Variants in ELP1 observed in about 807,000 individuals in gnomAD.
ELP1 encodes elongator acetyltransferase complex subunit 1, also known as elongator complex protein 1.
In ELP1, 131 loss-of-function variants were observed where a neutral mutation model predicts 183.2. That is an observed-to-expected ratio of 0.72 (90% CI 0.62 to 0.83). The LOEUF is 0.83. Ranked by LOEUF, ELP1 falls within the 40% of genes least tolerant of loss-of-function variation. ELP1 has a pLI of 0.00. For synonymous variants in ELP1, 555 were observed against 569.0 expected, an observed-to-expected ratio of 0.98 and a Z score of 0.35; for missense variants, 1,550 against 1,594.9, an observed-to-expected ratio of 0.97 and a Z score of 0.48.
chr9:108,914,422 G>GGC (rs1440678308), intron 10 of ELP1, among the ~76,000 whole-genome samples: 6,090 of 137,028 alleles, frequency 0.044, 198 homozygotes, highest in South Asian at 0.11. Flanking sequence ...AAGGGGGGGG[G>GGC]GGTTCTACTG....
chr9:108,902,925 T>C lies in ELP1; in HGVS notation c.1768A>G (p.Ile590Val), dbSNP rs369856286. 9.3e-6 allele frequency: 15 copies of C among 1,613,802 alleles called. No individual in the cohort carries two copies. Among genetic ancestry groups the C allele is most frequent in the Admixed American group, 3.3e-5 (2 of 60,004 alleles). Residue 590 changes from isoleucine to valine, a missense_variant, in exon 16 of 37, where the codon ATT becomes GTT. By Grantham distance (29) the Ile-to-Val change is conservative. Transcript: ENST00000374647. ...CCACCAGAGTTCTTCCATGGTTTAA[T>C]AGCCAGAGAAGGTGACTCTGCAAGA... ...KYLWESPSLA[I>V]KPWKNSGGFP... is the part of the protein sequence containing the mutation.
intron 36 of ELP1, among the ~76,000 whole-genome samples, chr9:108,869,945 C>G (rs1201079372): frequency 6.6e-6 from 1 of 152,064 alleles, no homozygotes; most frequent in Non-Finnish European, 1.5e-5. Flanking sequence ...GGGTGCGGAC[C>G]CCCCTGCACA....
chr9:108,901,437 C>T lies in ELP1; in HGVS notation c.2002G>A (p.Ala668Thr), dbSNP rs369164780. 1 of 1,610,522 alleles carries T rather than the reference C, an allele frequency of 6.2e-7. No individual in the cohort carries two copies. Among genetic ancestry groups the T allele is most frequent in the African/African-American group, 1.3e-5 (1 of 74,808 alleles). ...HTCQCFCLRD[A>T]SFKTLQAGLS... ...ATTGAAAACTTACTTTTAAATGAAG[C>T]ATCCCTCAGGCAAAAACACTGGCAG... Residue 668 changes from alanine to threonine, a missense_variant, in exon 18 of 37, where the codon GCT (alanine) becomes ACT (threonine). Ala to Thr is a moderately conservative substitution (Grantham distance 58). Transcript: ENST00000374647.
At chr9:108,883,660 G>A (rs1253936866) in intron 29 of ELP1, among the ~76,000 whole-genome samples, 1 of 151,930 alleles carries the variant, frequency 6.6e-6, no homozygotes, top group Non-Finnish European at 1.5e-5. Flanking sequence ...ATTATGGAGT[G>A]AATACTCTTG....
At chr9:108,872,175 T>G (rs1222521315) in intron 36 of ELP1, among the ~76,000 whole-genome samples, 1 of 152,242 alleles carries the variant, frequency 6.6e-6, no homozygotes. Context: ...CGCTGCCATA[T>G]GCAATTAATG....
intron 18 of ELP1, among the ~76,000 whole-genome samples, 172 bp from the exon 19 acceptor site, chr9:108,900,547 C>A (rs910171622): frequency 1.3e-5 from 2 of 152,212 alleles, no homozygotes; most frequent in African/African-American, 4.8e-5. Context: ...ACACGCTCAT[C>A]CCTGGAACTT....
chr9:108,903,805 A>T, intron 14 of ELP1, 136 bp from the exon 15 acceptor site: 1 of 699,492 alleles, frequency 1.4e-6, no homozygotes, highest in South Asian at 1.5e-5. Context: ...CAAAATACAT[A>T]TATACACACC....
rs565334457 is a variant in ELP1, at chr9:108,885,361, A to G, written c.3223-3174T>C. The stretch of plus-strand genomic sequence containing the variant: ...CACCATAGACCCTACGGACAGTAAA[A>G]TAAGAGAATACTATAAACACTTCAT... On this transcript the variant is annotated intron_variant, in intron 29 of 36. Coordinates refer to ENST00000374647, the MANE Select transcript of ELP1 (RefSeq NM_003640.5). Among the ~76,000 whole-genome samples the G allele has an allele frequency of 2.0e-5, 3 of 152,316 alleles. No individual in the cohort carries two copies. In the South Asian group the frequency reaches 6.2e-4, roughly 32 times the overall value.
At chr9:108,931,240 CAT>C in intron 1 of ELP1, 39 bp from the exon 2 acceptor site, 7 of 1,198,352 alleles carry the variant, frequency 5.8e-6, no homozygotes, top group Non-Finnish European at 8.7e-6. Context: ...GATAAATGAC[CAT>C]ATTTATTTAA....
At chr9:108,893,814 A>G (rs1340355162) in intron 26 of ELP1, 129 bp downstream of exon 26, 6 of 998,598 alleles carry the variant, frequency 6.0e-6, no homozygotes, top group East Asian at 2.5e-5. Context: ...GTGAGCATAC[A>G]TAATTGTTAG....
At chr9:108,927,718 G>T (rs753463953) in intron 3 of ELP1, among the ~76,000 whole-genome samples, 13 of 152,140 alleles carry the variant, frequency 8.5e-5, no homozygotes, top group Non-Finnish European at 1.3e-4. Flanking sequence ...AAAAGAATAA[G>T]ATCCTGTCAT....
chr9:108,892,527 C>G (rs936246563), intron 27 of ELP1, among the ~76,000 whole-genome samples: 1 of 152,148 alleles, frequency 6.6e-6, no homozygotes, highest in Non-Finnish European at 1.5e-5. Context: ...AGCTCTGGAT[C>G]CTCAGGCAAG....
chr9:108,878,981 T>C (rs985457068), intron 33 of ELP1, among the ~76,000 whole-genome samples: 2 of 152,236 alleles, frequency 1.3e-5, no homozygotes, highest in African/African-American at 4.8e-5. Context: ...TATAAGTTTT[T>C]GGTAACATCT....
chr9:108,911,192 A>G lies in ELP1; in HGVS notation c.1190-12T>C. The G allele has an allele frequency of 6.2e-7, 1 of 1,613,796 alleles. No homozygotes were observed. The highest frequency in any genetic ancestry group is 1.3e-5 in the African/African-American group (1 of 75,052). ...CACCAACACCCTGTCTGCAGTGAAA[A>G]AGAAAGAAGAGGATTAGACCTAGGG... On this transcript the variant is annotated splice_polypyrimidine_tract_variant and intron_variant, in intron 11 of 36. Coordinates refer to ENST00000374647, the MANE Select transcript of ELP1 (RefSeq NM_003640.5).
intron 18 of ELP1, 113 bp from the exon 19 acceptor site, chr9:108,900,488 G>A: frequency 2.5e-6 from 2 of 793,358 alleles, no homozygotes; most frequent in Non-Finnish European, 4.4e-6. Flanking sequence ...TAACAACCAT[G>A]TGCCTTAGCT....
chr9:108,933,666 C>T (rs990694766), intron 1 of ELP1, among the ~76,000 whole-genome samples, 198 bp downstream of exon 1: 1 of 152,244 alleles, frequency 6.6e-6, no homozygotes, highest in African/African-American at 2.4e-5. Context: ...CATCCCTGGG[C>T]TGTCGCGCCT....
intron 9 of ELP1, among the ~76,000 whole-genome samples, chr9:108,917,169 T>A (rs191155585): frequency 6.6e-6 from 1 of 152,306 alleles, no homozygotes; most frequent in African/African-American, 2.4e-5. Flanking sequence ...CCATATCAAA[T>A]ATAAATCCCC....
At chr9:108,897,597 A>G (rs1370521469) in intron 22 of ELP1, among the ~76,000 whole-genome samples, 3 of 152,240 alleles carry the variant, frequency 2.0e-5, no homozygotes, top group Admixed American at 2.0e-4. Context: ...TGAACTAGTG[A>G]TACATATAAA....
At chr9:108,930,816 G>T (rs1300565052) in intron 2 of ELP1, among the ~76,000 whole-genome samples, 181 bp downstream of exon 2, 1 of 152,080 alleles carries the variant, frequency 6.6e-6, no homozygotes, top group Non-Finnish European at 1.5e-5. Context: ...TAGCAGCAGA[G>T]TTAAAGAAGG....
Sources: gnomAD v4.1 joint callset for allele counts (sites outside exome capture counted in the v4.1 genomes callset) on GRCh38, gnomAD v4.1.1 for gene constraint, MANE v1.5 for transcripts, NCBI Gene and HGNC (gene_info 2026-07-23, HGNC 2026-07-21) for gene names.